SCEL: variants seen among roughly 807,000 people sequenced by gnomAD.
The protein encoded by SCEL is sciellin.
In SCEL, 113 loss-of-function variants were observed where a neutral mutation model predicts 117.6. The observed-to-expected ratio is 0.96, with a 90% CI of 0.83 to 1.12. The LOEUF is 1.12. SCEL is among the 50% of genes most tolerant of loss of function. The pLI is 0.00. For synonymous variants in SCEL, 270 were observed against 256.2 expected (o/e 1.05, Z -0.51); for missense variants, 785 against 810.8 (o/e 0.97, Z 0.39).
rs755947730 is a variant in SCEL at position 77,644,310 on chromosome 13, T to C, written c.*36T>C. The C allele has an allele frequency of 1.3e-5, 21 of 1,604,814 alleles. No homozygotes were observed. Among genetic ancestry groups the C allele is most frequent in the Non-Finnish European group, 1.7e-5 (20 of 1,172,350 alleles). ...AGGAAATCAAGATGAAAAGCACTCA[T>C]TAAGGAATTAAAGTTACAAGTTTTA... On this transcript the variant is annotated 3_prime_UTR_variant, in exon 33 of 33. Coordinates refer to ENST00000349847, the MANE Select transcript of SCEL (RefSeq NM_144777.3).
chr13:77,597,302 T>C (rs980405374), intron 12 of SCEL, among the ~76,000 whole-genome samples: 1 of 151,848 alleles, frequency 6.6e-6, no homozygotes, highest in Non-Finnish European at 1.5e-5. Context: ...ATAAAGCAGG[T>C]GCAGAAAAAA....
chr13:77,571,788 TAGGG>T (rs1396496221), intron 8 of SCEL, among the ~76,000 whole-genome samples: 2 of 150,730 alleles, frequency 1.3e-5, no homozygotes, highest in Non-Finnish European at 3.0e-5. Context: ...AGCAGAAAAA[TAGGG>T]AGAATAGGAG....
chr13:77,568,465 A>G, intron 7 of SCEL, 132 bp downstream of exon 7: 2 of 572,566 alleles, frequency 3.5e-6, no homozygotes, highest in Non-Finnish European at 6.0e-6. Context: ...GTAGTAGAAG[A>G]CAATACCAAA....
chr13:77,625,606 A>G (rs928247292), intron 27 of SCEL, among the ~76,000 whole-genome samples: 4 of 152,228 alleles, frequency 2.6e-5, no homozygotes, highest in Non-Finnish European at 5.9e-5. Flanking sequence ...CAGTTTCAAA[A>G]GTATGCAGTT....
chr13:77,540,973 T>C (rs989804515), intron 1 of SCEL, among the ~76,000 whole-genome samples: 1 of 152,190 alleles, frequency 6.6e-6, no homozygotes, highest in Non-Finnish European at 1.5e-5. Flanking sequence ...ACAAGAGATG[T>C]TGAATTATAG....
At position 77,644,888 on chromosome 13, in the gene SCEL, GT is replaced by G. The variant is rs1275500764; in HGVS notation, c.*619del. The G allele has an allele frequency of 6.6e-6, 1 of 152,224 alleles. No homozygotes were observed. Among genetic ancestry groups the G allele is most frequent in the Non-Finnish European group, 1.5e-5 (1 of 68,092 alleles). 9.4% of individuals were successfully genotyped at this position (152,224 alleles called of 1,614,324 possible). ...TCCCAAATTCTCTGATTCTAAAGCA[GT>G]TTTTAGAATCATTAGCTCTTTGGAA... On this transcript the variant is annotated 3_prime_UTR_variant, in exon 33 of 33. Coordinates refer to ENST00000349847, the MANE Select transcript of SCEL (RefSeq NM_144777.3).
intron 9 of SCEL, among the ~76,000 whole-genome samples, chr13:77,576,373 G>A (rs2085943032): frequency 6.6e-6 from 1 of 151,970 alleles, no homozygotes; most frequent in African/African-American, 2.4e-5. Flanking sequence ...TTCTTACTTA[G>A]TCTCCTCAGC....
intron 8 of SCEL, among the ~76,000 whole-genome samples, chr13:77,571,134 C>T (rs2085586975): frequency 6.6e-6 from 1 of 150,876 alleles, no homozygotes; most frequent in Admixed American, 6.6e-5. Flanking sequence ...CTAGCTCGCT[C>T]ACAGTTTTTT....
At chr13:77,604,472 A>T in intron 19 of SCEL, 57 bp downstream of exon 19, 1 of 1,377,500 alleles carries the variant, frequency 7.3e-7, no homozygotes, top group Non-Finnish European at 9.8e-7. Flanking sequence ...GGACGTTAGA[A>T]TTCTGAGTGT....
chr13:77,586,805 G>C (rs2086590406), intron 9 of SCEL, among the ~76,000 whole-genome samples: 2 of 152,096 alleles, frequency 1.3e-5, no homozygotes, highest in African/African-American at 4.8e-5. Flanking sequence ...CAGATTCCCA[G>C]CTCTGCCCCT....
At position 77,618,062 on chromosome 13, in the gene SCEL, T is replaced by C. The variant is rs1404373535; in HGVS notation, c.1628+2T>C. The stretch of plus-strand genomic sequence containing the variant: ...TTCAGCTCTTAGAAACACTAATCGG[T>C]AAATGACCTTGACTATCTTGACATG... On this transcript the variant is annotated splice_donor_variant, in intron 27 of 32. Transcript: ENST00000349847. LOFTEE classifies it high-confidence loss of function. 6.2e-7 allele frequency: 1 copy of C among 1,609,148 alleles called. No homozygotes were observed. Among genetic ancestry groups the C allele is most frequent in the Non-Finnish European group, 8.5e-7 (1 of 1,175,528 alleles).
At chr13:77,586,537 C>A (rs1439991314) in intron 9 of SCEL, among the ~76,000 whole-genome samples, 1 of 152,100 alleles carries the variant, frequency 6.6e-6, no homozygotes, top group Non-Finnish European at 1.5e-5. Context: ...TCCTTGAAGA[C>A]CCCTTCCACT....
At chr13:77,634,487 T>G in intron 29 of SCEL, 37 bp downstream of exon 29, 1 of 1,456,870 alleles carries the variant, frequency 6.9e-7, no homozygotes, top group Non-Finnish European at 9.6e-7. Flanking sequence ...TGCTTCATTT[T>G]ATAATTTTGA....
chr13:77,568,420 A>G (rs2085406749), intron 7 of SCEL, 87 bp downstream of exon 7: 1 of 751,768 alleles, frequency 1.3e-6, no homozygotes, highest in Non-Finnish European at 2.3e-6. Context: ...TTTTATTGGA[A>G]TACAGCCATG....
At chr13:77,642,240 G>A (rs2154407523) in intron 31 of SCEL, among the ~76,000 whole-genome samples, 1 of 152,212 alleles carries the variant, frequency 6.6e-6, no homozygotes, top group South Asian at 2.1e-4. Flanking sequence ...ATCAATGACA[G>A]TTTACTTCAG....
chr13:77,637,267 TAC>T (rs901983763), intron 30 of SCEL, 73 bp downstream of exon 30: 145 of 388,820 alleles, frequency 3.7e-4, no homozygotes, highest in Admixed American at 2.1e-4. Context: ...TATATATATA[TAC>T]ACACACACAG....
intron 10 of SCEL, among the ~76,000 whole-genome samples, chr13:77,589,913 CT>C (rs1356978187): frequency 6.6e-6 from 1 of 152,120 alleles, no homozygotes; most frequent in African/African-American, 2.4e-5. Flanking sequence ...TACATTTAAA[CT>C]GTTTAATATA....
chr13:77,618,992 GC>G (rs901465932), intron 27 of SCEL, among the ~76,000 whole-genome samples: 5 of 152,130 alleles, frequency 3.3e-5, no homozygotes, highest in African/African-American at 1.2e-4. Flanking sequence ...CACATAAACT[GC>G]TTTATTAATG....
Position 77,631,866 on chromosome 13 carries a change from G to T in SCEL, c.1692-2513G>T, listed in dbSNP as rs145353593. ...ATAACAAAATACCACAGACTGGGTG[G>T]CTTAGACAATGGACATTTATTTTCT... On this transcript the variant is annotated intron_variant, in intron 28 of 32. Coordinates refer to ENST00000349847, the MANE Select transcript of SCEL (RefSeq NM_144777.3). Among the ~76,000 whole-genome samples the T allele has an allele frequency of 1.1e-3, 172 of 152,342 alleles. 1 individual carries two copies. The highest frequency in any genetic ancestry group is 1.6e-3 in the Non-Finnish European group (106 of 68,036).
Sources: allele counts gnomAD v4.1 joint callset (sites outside exome capture counted in the v4.1 genomes callset), GRCh38; gene constraint gnomAD v4.1.1; transcripts MANE v1.5; gene names NCBI Gene and HGNC (gene_info 2026-07-23, HGNC 2026-07-21).